RAP1GAP2: variants seen among roughly 807,000 people sequenced by gnomAD.
RAP1GAP2 encodes the protein rap1 GTPase-activating protein 2.
RAP1GAP2 carries 27 observed loss-of-function variants against 95.0 expected under a neutral mutation model. The observed-to-expected ratio is 0.28, with a 90% CI of 0.21 to 0.39. The LOEUF is 0.39. RAP1GAP2 is among the 10% of genes least tolerant of loss of function. The pLI is 1.00. For synonymous variants in RAP1GAP2, 373 were observed against 380.9 expected (o/e 0.98, Z 0.24); for missense variants, 771 against 970.0 (o/e 0.79, Z 2.72).
intron 2 of RAP1GAP2, among the ~76,000 whole-genome samples, chr17:2,834,909 A>T (rs1460236471): frequency 6.6e-6 from 1 of 152,060 alleles, no homozygotes; most frequent in Admixed American, 6.6e-5. Context: ...AAAATAAATT[A>T]AATTAATTAA....
chr17:2,812,344 T>G (rs989273879), intron 2 of RAP1GAP2, among the ~76,000 whole-genome samples: 2 of 151,856 alleles, frequency 1.3e-5, no homozygotes, highest in African/African-American at 4.8e-5. Flanking sequence ...CATGGGGGGG[T>G]GGTTCCTCCT....
At chr17:2,938,148 A>G (rs958470146) in intron 3 of RAP1GAP2, among the ~76,000 whole-genome samples, 9 of 152,268 alleles carry the variant, frequency 5.9e-5, no homozygotes, top group Middle Eastern at 3.4e-3. Context: ...CACAGCACGT[A>G]CGTCATGTCC....
intron 10 of RAP1GAP2, among the ~76,000 whole-genome samples, chr17:2,982,904 T>C (rs1407061651): frequency 1.3e-5 from 2 of 152,240 alleles, no homozygotes; most frequent in Non-Finnish European, 2.9e-5. Context: ...CTGGCTGAGA[T>C]GCACGCATGT....
chr17:2,950,341 T>C lies in RAP1GAP2; in HGVS notation c.166-7418T>C, dbSNP rs191316505. On this transcript the variant is annotated intron_variant, in intron 3 of 24. Transcript: ENST00000254695. The stretch of plus-strand genomic sequence containing the variant: ...TGTTGGGATTACAGGTGTGAGCCAA[T>C]GCGCCCAGCCAGACTCATTTCTAAC... 4.8e-3 allele frequency among the ~76,000 whole-genome samples: 723 copies of C among 152,086 alleles called. 4 individuals carry two copies. Among genetic ancestry groups the C allele is most frequent in the Non-Finnish European group, 8.2e-3 (554 of 67,974 alleles).
intron 2 of RAP1GAP2, among the ~76,000 whole-genome samples, chr17:2,830,622 G>C (rs2070786282): frequency 6.6e-6 from 1 of 151,900 alleles, no homozygotes; most frequent in Non-Finnish European, 1.5e-5. Flanking sequence ...GCTGAGGCAG[G>C]AGAATCGCTT....
intron 2 of RAP1GAP2, among the ~76,000 whole-genome samples, chr17:2,876,098 C>G (rs748423846): frequency 2.6e-5 from 4 of 151,758 alleles, no homozygotes; most frequent in Non-Finnish European, 4.4e-5. Context: ...CCCCCACGCC[C>G]GGCTAATTTT....
At chr17:2,922,444 C>G (rs1298685643) in intron 3 of RAP1GAP2, among the ~76,000 whole-genome samples, 1 of 152,158 alleles carries the variant, frequency 6.6e-6, no homozygotes, top group Non-Finnish European at 1.5e-5. Flanking sequence ...TTGGGGGCCA[C>G]CATTACGGGG....
In RAP1GAP2 at chr17:2,880,862, C is replaced by T. The variant is rs111427118; in HGVS notation, c.81-24422C>T. Reference sequence around the variant, plus strand: ...TGTGCCGAGGTCAGGCACGGTGGCTCACGCCTGGAATCCCAGCACTTTGGG... The same window carrying T: ...TGTGCCGAGGTCAGGCACGGTGGCTTACGCCTGGAATCCCAGCACTTTGGG... On this transcript the variant is annotated intron_variant, in intron 2 of 24. Coordinates refer to ENST00000254695, the MANE Select transcript of RAP1GAP2 (RefSeq NM_015085.5). 4.5e-3 allele frequency among the ~76,000 whole-genome samples: 683 copies of T among 152,304 alleles called. 5 individuals carry two copies. The highest frequency in any genetic ancestry group is 0.015 in the African/African-American group (644 of 41,584).
chr17:2,796,671 T>G lies in RAP1GAP2; in HGVS notation c.44+100T>G, dbSNP rs2069096185. 20 of 1,375,194 alleles carry G rather than the reference T, an allele frequency of 1.5e-5. No individual in the cohort carries two copies. The South Asian group carries it at 2.5e-4, about 17-fold the overall frequency. 85.2% of individuals were successfully genotyped at this position (1,375,194 alleles called of 1,614,324 possible). A position where few individuals can be genotyped will look rare whatever the true frequency, so the allele number is the denominator to read the frequency against. ...GCCGTGGGAACAGAGGGGCTCGGGCTGTGCCTGAGAGCTGGGTCTGCTGAC... is the reference window on the plus strand; with the variant it reads ...GCCGTGGGAACAGAGGGGCTCGGGCGGTGCCTGAGAGCTGGGTCTGCTGAC... On this transcript the variant is annotated intron_variant, in intron 1 of 24. Coordinates refer to ENST00000254695, the MANE Select transcript of RAP1GAP2 (RefSeq NM_015085.5). The surrounding 1 kb of genome is among the most constrained non-coding windows in gnomAD (Gnocchi z 4.7).
intron 3 of RAP1GAP2, among the ~76,000 whole-genome samples, chr17:2,939,430 T>C (rs962340309): frequency 1.3e-5 from 2 of 152,232 alleles, no homozygotes; most frequent in African/African-American, 4.8e-5. Context: ...TCTTAGGTGG[T>C]GTGAGGTGCG....
At chr17:2,962,993 C>G in intron 5 of RAP1GAP2, 3 of 549,026 alleles carry the variant, frequency 5.5e-6, no homozygotes. Context: ...CTTCCCTACC[C>G]TGTGCAGTGT....
At chr17:2,896,466 C>T (rs188555748) in intron 2 of RAP1GAP2, among the ~76,000 whole-genome samples, 213 of 152,260 alleles carry the variant, frequency 1.4e-3, no homozygotes, top group Non-Finnish European at 2.2e-3. Context: ...GTCCAGCTCT[C>T]GTATTTTCTG....
At chr17:2,887,467 T>C (rs1263718275) in intron 2 of RAP1GAP2, among the ~76,000 whole-genome samples, 1 of 151,760 alleles carries the variant, frequency 6.6e-6, no homozygotes, top group East Asian at 1.9e-4. Flanking sequence ...CTCCACCTCC[T>C]GGGTTCAAGC....
At position 2,902,370 on chromosome 17, in the gene RAP1GAP2, C is replaced by T. The variant is rs1302821105; in HGVS notation, c.81-2914C>T. On this transcript the variant is annotated intron_variant, in intron 2 of 24. Transcript: ENST00000254695. This position sits in a 1 kb window ranked among gnomAD's most constrained non-coding sequence, Gnocchi z 4.1. ...TAGCTCGGATGACAGGCACACGCCA[C>T]CATGCCTGGCTAATTTTTGTATTTT... is the stretch of plus-strand genomic sequence containing the variant. 6.6e-6 allele frequency among the ~76,000 whole-genome samples: 1 copy of T among 152,210 alleles called. No homozygotes were observed. Among genetic ancestry groups the T allele is most frequent in the East Asian group, 1.9e-4 (1 of 5,200 alleles).
intron 2 of RAP1GAP2, among the ~76,000 whole-genome samples, chr17:2,803,737 A>G (rs2027999): frequency 0.72 from 109,077 of 152,010 alleles, 40,046 homozygotes; most frequent in African/African-American, 0.88. Context: ...AAATTAGCCC[A>G]GTGTGGTGGT....
At chr17:2,924,839 C>T (rs2042900488) in intron 3 of RAP1GAP2, among the ~76,000 whole-genome samples, 1 of 152,178 alleles carries the variant, frequency 6.6e-6, no homozygotes, top group Non-Finnish European at 1.5e-5. Flanking sequence ...GGTTTGAGAC[C>T]TTCGCCAGAT....
At chr17:2,997,285 C>G (rs750937156) in intron 13 of RAP1GAP2, among the ~76,000 whole-genome samples, 7 of 152,166 alleles carry the variant, frequency 4.6e-5, no homozygotes, top group South Asian at 2.1e-4. Context: ...ACCTTCAAGA[C>G]CCCCTGACAC....
intron 2 of RAP1GAP2, among the ~76,000 whole-genome samples, chr17:2,878,216 A>G (rs9915468): frequency 0.66 from 99,683 of 151,784 alleles, 33,134 homozygotes; most frequent in African/African-American, 0.73. Flanking sequence ...AAGGGGAGTC[A>G]GGAACACATT....
intron 1 of RAP1GAP2, 45 bp from the exon 2 acceptor site, chr17:2,800,470 C>G (rs11869022): frequency 0.21 from 337,481 of 1,597,052 alleles, 38,186 homozygotes; most frequent in Non-Finnish European, 0.24. Context: ...ATGTAGGAGT[C>G]TTCAGCCTCA....
Sources: allele counts gnomAD v4.1 joint callset (sites outside exome capture counted in the v4.1 genomes callset), GRCh38; gene constraint gnomAD v4.1.1; non-coding constraint Gnocchi (gnomAD v3.1); transcripts MANE v1.5; gene names NCBI Gene and HGNC (gene_info 2026-07-23, HGNC 2026-07-21).